Variants in FRMPD4 observed in about 807,000 individuals in gnomAD.
FRMPD4 encodes the protein FERM and PDZ domain containing 4.
In FRMPD4, 22 loss-of-function variants were observed where a neutral mutation model predicts 94.1. The ratio of observed to expected loss-of-function variants is 0.23; its 90% confidence interval spans 0.17 to 0.33. The LOEUF (loss-of-function observed/expected upper bound fraction) is 0.33, where lower values mean the gene tolerates loss of function less well. Ranked by LOEUF, FRMPD4 falls within the 10% of genes least tolerant of loss-of-function variation. The probability of loss-of-function intolerance (pLI) is 1.00; values close to 1 mark genes in which losing one functional copy is unlikely to be tolerated. For missense variants in FRMPD4, 1,111 were observed against 1,339.9 expected, an observed-to-expected ratio of 0.83 and a Z score of 2.67; for synonymous variants, 631 against 548.6, an observed-to-expected ratio of 1.15 and a Z score of -2.10.
intron 3 of FRMPD4, among the ~76,000 whole-genome samples, chrX:12,031,803 G>C (rs1224208461): frequency 3.6e-5 from 4 of 112,073 alleles, no homozygotes; most frequent in Non-Finnish European, 7.5e-5. Context: ...TTCTGAAACA[G>C]GGCCAGAATG....
chrX:11,931,307 C>T (rs1349116777), intron 3 of FRMPD4, among the ~76,000 whole-genome samples: 1 of 111,991 alleles, frequency 8.9e-6, no homozygotes, highest in East Asian at 2.8e-4. Flanking sequence ...TTTTTCTTCT[C>T]TTTTATAGTT....
chrX:11,831,264 A>G (rs1334855561), intron 1 of FRMPD4, among the ~76,000 whole-genome samples: 1 of 111,480 alleles, frequency 9.0e-6, no homozygotes, highest in Non-Finnish European at 1.9e-5. Context: ...CCAAATGAGA[A>G]ATGAAGGACT....
At chrX:12,418,227 C>T (rs2056833785) in intron 1 of FRMPD4, among the ~76,000 whole-genome samples, 1 of 109,740 alleles carries the variant, frequency 9.1e-6, no homozygotes, top group South Asian at 3.9e-4. Context: ...ATTCCCTTGC[C>T]ATCACCATAG....
intron 1 of FRMPD4, among the ~76,000 whole-genome samples, chrX:12,252,167 G>A (rs1227763135): frequency 9.0e-6 from 1 of 111,515 alleles, no homozygotes; most frequent in Non-Finnish European, 1.9e-5. Flanking sequence ...GCTCAGAAAG[G>A]TTAAACGACT....
intron 1 of FRMPD4, among the ~76,000 whole-genome samples, chrX:12,376,290 A>G (rs963242801): frequency 1.2e-4 from 14 of 112,017 alleles, no homozygotes; most frequent in African/African-American, 4.5e-4. Flanking sequence ...TAATCATAAA[A>G]ACCTTGCTTC....
At chrX:12,428,648 A>T (rs1478104927) in intron 1 of FRMPD4, among the ~76,000 whole-genome samples, 1 of 111,761 alleles carries the variant, frequency 8.9e-6, no homozygotes, top group East Asian at 2.8e-4. Flanking sequence ...CATATCTTCC[A>T]GTACTTTATT....
Position 12,662,403 on chromosome X carries a change from C to A in FRMPD4, c.423-12460C>A, listed in dbSNP as rs780955446. On this transcript the variant is annotated intron_variant, in intron 4 of 16. Coordinates refer to ENST00000675598, the MANE Select transcript of FRMPD4 (RefSeq NM_001368397.1). ...TGTGTGATGTTCTCCTCCCTGTGTC[C>A]ATGTGTTCTCATTGTTCAACTCCCA... 3.0e-3 allele frequency among the ~76,000 whole-genome samples: 329 copies of A among 110,079 alleles called. 2 individuals carry two copies. Among genetic ancestry groups the A allele is most frequent in the Middle Eastern group, 0.014 (3 of 218 alleles).
At chrX:12,547,496 G>A (rs757458360) in intron 2 of FRMPD4, among the ~76,000 whole-genome samples, 13 of 111,894 alleles carry the variant, frequency 1.2e-4, no homozygotes, top group Non-Finnish European at 2.1e-4. Context: ...TTCATAAATC[G>A]TCTCATTGGA....
intron 1 of FRMPD4, among the ~76,000 whole-genome samples, chrX:12,201,717 G>T (rs1308037761): frequency 8.9e-6 from 1 of 111,922 alleles, no homozygotes; most frequent in Non-Finnish European, 1.9e-5. Context: ...CAGTGTCTGT[G>T]CATGGTCTGT....
intron 1 of FRMPD4, among the ~76,000 whole-genome samples, chrX:12,294,019 C>T (rs1008929432): frequency 8.9e-6 from 1 of 111,884 alleles, no homozygotes; most frequent in Non-Finnish European, 1.9e-5. Context: ...GTCTTTTGAA[C>T]CACATAAGCT....
chrX:12,554,721 G>A (rs1454158215), intron 2 of FRMPD4, among the ~76,000 whole-genome samples: 1 of 111,399 alleles, frequency 9.0e-6, no homozygotes, highest in Non-Finnish European at 1.9e-5. Flanking sequence ...TCAGGTGATC[G>A]TCCCACCTCA....
At chrX:12,569,590 CTG>C (rs752209566) in intron 2 of FRMPD4, among the ~76,000 whole-genome samples, 6 of 112,174 alleles carry the variant, frequency 5.3e-5, no homozygotes, top group Non-Finnish European at 9.4e-5. Flanking sequence ...AAACCACACT[CTG>C]TTTCTGTTTT....
At chrX:12,100,841 C>T (rs2055249559) in intron 3 of FRMPD4, among the ~76,000 whole-genome samples, 1 of 112,059 alleles carries the variant, frequency 8.9e-6, no homozygotes, top group Non-Finnish European at 1.9e-5. Flanking sequence ...GCTGCACATT[C>T]CTGTGCAACT....
At chrX:12,396,322 T>A (rs1197481436) in intron 1 of FRMPD4, among the ~76,000 whole-genome samples, 1 of 96,411 alleles carries the variant, frequency 1.0e-5, no homozygotes, top group Non-Finnish European at 2.2e-5. Context: ...CTTTGTAGGT[T>A]TGGAGATTTA....
At chrX:12,246,116 T>A (rs1283124439) in intron 1 of FRMPD4, among the ~76,000 whole-genome samples, 1 of 111,611 alleles carries the variant, frequency 9.0e-6, no homozygotes, top group Admixed American at 9.5e-5. Flanking sequence ...ACAGATGTTT[T>A]GACAACTAAC....
intron 3 of FRMPD4, among the ~76,000 whole-genome samples, chrX:11,988,353 A>G (rs1386061090): frequency 2.7e-5 from 3 of 112,123 alleles, no homozygotes; most frequent in African/African-American, 9.7e-5. Flanking sequence ...CAGTCTCTTC[A>G]ATAAATAGCA....
At position 12,694,320 on chromosome X, in the gene FRMPD4, G is replaced by C; in HGVS notation, c.814-15G>C. 8.4e-7 allele frequency: 1 copy of C among 1,193,943 alleles called. No homozygotes were observed. Among genetic ancestry groups the C allele is most frequent in the South Asian group, 1.8e-5 (1 of 56,266 alleles). ...AGCACTGAAGGGTTCTTGTGTGATT[G>C]GTCTACTCTTCCAGGTGACACAGAG... is the stretch of plus-strand genomic sequence containing the variant. On this transcript the variant is annotated splice_polypyrimidine_tract_variant and intron_variant, in intron 8 of 16. Coordinates refer to ENST00000675598, the MANE Select transcript of FRMPD4 (RefSeq NM_001368397.1).
rs2041896200 is a variant in FRMPD4 at position 12,707,334 on chromosome X, G to A, written c.1288-135G>A. On this transcript the variant is annotated intron_variant, in intron 12 of 16. Coordinates refer to ENST00000675598, the MANE Select transcript of FRMPD4 (RefSeq NM_001368397.1). ...AGTCATGTATCTGGTTCTTCTAATT[G>A]GATGATTTAGTACAGTATGACCCAG... 18 of 464,099 alleles carry A rather than the reference G, an allele frequency of 3.9e-5. No homozygotes were observed. The South Asian group carries it at 8.0e-4, about 21-fold the overall frequency. The allele number at this position is 464,099 out of a possible 1,213,427, so 38.2% of individuals were successfully genotyped here. A position where few individuals can be genotyped will look rare whatever the true frequency, so the allele number is the denominator to read the frequency against.
At chrX:12,516,899 C>CTTTTTTTTTTTTT (rs35098575) in intron 2 of FRMPD4, among the ~76,000 whole-genome samples, 1 of 68,434 alleles carries the variant, frequency 1.5e-5, no homozygotes, top group Non-Finnish European at 2.8e-5. Context: ...CCTTTTCGTT[C>CTTTTTTTTTTTTT]TTTTTTTTTT....
Sources: allele counts gnomAD v4.1 joint callset (sites outside exome capture counted in the v4.1 genomes callset), GRCh38; gene constraint gnomAD v4.1.1; transcripts MANE v1.5; gene names NCBI Gene and HGNC (gene_info 2026-07-23, HGNC 2026-07-21).